Variants in SERPINB6 observed in about 807,000 individuals in gnomAD.
SERPINB6 encodes the protein serpin B6.
Under a neutral mutation model 26.1 loss-of-function variants are expected in SERPINB6, and 16 were observed. That is an observed-to-expected ratio of 0.61 (90% CI 0.42 to 0.93). The LOEUF (loss-of-function observed/expected upper bound fraction) is 0.93, where lower values mean the gene tolerates loss of function less well. Among genes scored for constraint, SERPINB6 ranks in the 40% least tolerant of loss-of-function variants. The pLI is 0.00. For missense variants in SERPINB6, 420 were observed against 478.0 expected (o/e 0.88, Z 1.13); for synonymous variants, 174 against 176.6 (o/e 0.99, Z 0.11).
chr6:2,967,043 A>G lies in SERPINB6; in HGVS notation c.-11+4490T>C, dbSNP rs1383638598. The stretch of plus-strand genomic sequence containing the variant: ...TCAAGTACAAAACTCTTAGACTGAT[A>G]TCATCTGGGACTTCTCACCTTTCTC... On this transcript the variant is annotated intron_variant, in intron 1 of 6. Transcript: ENST00000380539. The surrounding 1 kb of genome is among the most constrained non-coding windows in gnomAD (Gnocchi z 4.3). 31 of 985,302 alleles carry G rather than the reference A, an allele frequency of 3.1e-5. No individual in the cohort carries two copies. Among genetic ancestry groups the G allele is most frequent in the Non-Finnish European group, 3.7e-5 (31 of 829,956 alleles). The allele number at this position is 985,302 out of a possible 1,614,324, so 61.0% of individuals were successfully genotyped here.
chr6:2,951,398 AAAAT>A (rs1482683149), intron 5 of SERPINB6, among the ~76,000 whole-genome samples: 6 of 151,016 alleles, frequency 4.0e-5, no homozygotes, highest in African/African-American at 1.2e-4. Context: ...GAAAAAATAA[AAAAT>A]AAAAAAAAAA....
intron 1 of SERPINB6, chr6:2,969,003 T>G (rs1347539920): frequency 1.6e-6 from 2 of 1,215,438 alleles, no homozygotes; most frequent in Admixed American, 8.6e-5. Flanking sequence ...TCCCCCACAG[T>G]GCCTGCAGGA....
chr6:2,962,256 T>G (rs558796634), intron 1 of SERPINB6: 2 of 972,676 alleles, frequency 2.1e-6, no homozygotes, highest in Non-Finnish European at 2.4e-6. Context: ...TGAGTTTCAC[T>G]GTGTCAGGGG....
intron 5 of SERPINB6, among the ~76,000 whole-genome samples, chr6:2,950,731 C>A (rs1769695200): frequency 1.3e-5 from 2 of 152,228 alleles, no homozygotes; most frequent in Admixed American, 1.3e-4. Flanking sequence ...AACAATCCCC[C>A]TCAGTTCCTG....
chr6:2,970,055 G>C (rs1272508730), intron 1 of SERPINB6: 1 of 869,654 alleles, frequency 1.1e-6, no homozygotes. Context: ...ACTCCAGCCT[G>C]GCAAAAAAAA....
chr6:2,971,071 G>T, intron 1 of SERPINB6: 6 of 1,151,860 alleles, frequency 5.2e-6, no homozygotes, highest in Non-Finnish European at 6.4e-6. Context: ...TCCGGGTCGC[G>T]GAGCGGGCGA....
Position 2,954,598 on chromosome 6 carries a change from T to C in SERPINB6, c.424A>G (p.Thr142Ala), listed in dbSNP as rs200861589. 201 of 1,611,390 alleles carry C rather than the reference T, an allele frequency of 1.2e-4. 1 individual carries two copies. Among genetic ancestry groups the C allele is most frequent in the Non-Finnish European group, 1.5e-5 (18 of 1,177,516 alleles). ...KHINTWVAEK[T>A]EGKIAELLSP... is the part of the protein sequence containing the mutation. The stretch of plus-strand genomic sequence containing the variant: ...AATAACAATACATTTTCACCTTCTG[T>C]CTTTTCAGCTACCCAGGTGTTTATG... Residue 142 changes from threonine (T) to alanine (A), a missense_variant, in exon 4 of 7, where the codon ACA becomes GCA. Physicochemically the swap from Thr to Ala is moderately conservative, Grantham distance 58. Coordinates refer to ENST00000380539, the MANE Select transcript of SERPINB6 (RefSeq NM_004568.6).
chr6:2,969,886 C>G (rs1249717661), intron 1 of SERPINB6: 2 of 890,046 alleles, frequency 2.2e-6, no homozygotes, highest in African/African-American at 1.8e-5. Flanking sequence ...TCTGTAATCC[C>G]AGCACTTTGG....
chr6:2,959,611 GAAGGAGGC>G, intron 1 of SERPINB6: 1 of 486,688 alleles, frequency 2.1e-6, no homozygotes, highest in South Asian at 2.1e-5. Flanking sequence ...GAGAAAGTGG[GAAGGAGGC>G]ACCCTTTCCT....
chr6:2,951,581 G>A (rs1244980123), intron 5 of SERPINB6, among the ~76,000 whole-genome samples: 1 of 152,094 alleles, frequency 6.6e-6, no homozygotes, highest in Non-Finnish European at 1.5e-5. Context: ...CTTAGTGACT[G>A]AATGATTCAC....
At chr6:2,949,264 C>T (rs935763693) in intron 5 of SERPINB6, among the ~76,000 whole-genome samples, 195 bp from the exon 6 acceptor site, 1 of 152,230 alleles carries the variant, frequency 6.6e-6, no homozygotes, top group African/African-American at 2.4e-5. Flanking sequence ...AGGGCCCAAA[C>T]CCAACGTGTC....
intron 1 of SERPINB6, chr6:2,961,018 A>G (rs1771047117): frequency 6.6e-6 from 1 of 152,290 alleles, no homozygotes; most frequent in South Asian, 2.1e-4. Context: ...CCACAGCTGC[A>G]GTAGCTGGAA....
upstream of SERPINB6, chr6:2,971,578 G>A (rs1181432188): frequency 1.3e-5 from 2 of 152,246 alleles, no homozygotes; most frequent in Non-Finnish European, 2.9e-5. Context: ...AGAGGCGCCG[G>A]AGCCGCCCCG....
intron 1 of SERPINB6, among the ~76,000 whole-genome samples, chr6:2,962,614 G>A (rs1257964540): frequency 6.6e-6 from 1 of 152,220 alleles, no homozygotes; most frequent in African/African-American, 2.4e-5. Context: ...AAAGCCCACA[G>A]TGAGGTCAGT....
chr6:2,970,591 G>C (rs1772048743), intron 1 of SERPINB6: 6 of 1,216,550 alleles, frequency 4.9e-6, no homozygotes, highest in African/African-American at 1.6e-5. Flanking sequence ...CATTAGGCAC[G>C]AGAGCATCCC....
At chr6:2,951,798 A>G (rs1046212112) in intron 5 of SERPINB6, among the ~76,000 whole-genome samples, 1 of 152,144 alleles carries the variant, frequency 6.6e-6, no homozygotes, top group African/African-American at 2.4e-5. Context: ...CCAAACCCAC[A>G]AGACCTATAG....
At chr6:2,955,206 A>C (rs1156571506) in intron 3 of SERPINB6, 9 of 338,700 alleles carry the variant, frequency 2.7e-5, no homozygotes, top group African/African-American at 6.9e-5. Flanking sequence ...AAAAAAACAA[A>C]AAAAAAAAAG....
rs1184205501 is a variant in SERPINB6, at chr6:2,959,207, G to T, written c.126C>A (p.Tyr42Ter). 1 of 1,614,192 alleles carries T rather than the reference G, an allele frequency of 6.2e-7. No homozygotes were observed. Among genetic ancestry groups the T allele is most frequent in the Non-Finnish European group, 8.5e-7 (1 of 1,180,042 alleles). Residue 42 changes from tyrosine to a stop codon, truncating the protein, a stop_gained, in exon 2 of 7, where the codon TAC becomes TAA. Transcript: ENST00000380539. LOFTEE classifies it high-confidence loss of function. ...CAGCGGTGTTTCCCTTTGCCCCCAT[G>T]TAGACCATGGCCAGGGCACAGGACA... Reference protein sequence around the residue: ...MSMSCALAMVYMGAKGNTAAQ... With the variant: ...MSMSCALAMV
intron 1 of SERPINB6, chr6:2,969,335 A>G: frequency 1.0e-6 from 1 of 985,258 alleles, no homozygotes; most frequent in Non-Finnish European, 1.2e-6. Flanking sequence ...AAGATAGCTA[A>G]GTGTCCTTCA....
Sources: allele counts gnomAD v4.1 joint callset (sites outside exome capture counted in the v4.1 genomes callset), GRCh38; gene constraint gnomAD v4.1.1; non-coding constraint Gnocchi (gnomAD v3.1); transcripts MANE v1.5; gene names NCBI Gene and HGNC (gene_info 2026-07-23, HGNC 2026-07-21).